PPFIA2: variants seen among roughly 807,000 people sequenced by gnomAD.
PPFIA2 encodes the protein liprin-alpha-2.
Under a neutral mutation model 175.5 loss-of-function variants are expected in PPFIA2, and 46 were observed. The ratio of observed to expected loss-of-function variants is 0.26; its 90% CI spans 0.21 to 0.34. The LOEUF (loss-of-function observed/expected upper bound fraction) is 0.34. Among genes scored for constraint, PPFIA2 ranks in the 10% least tolerant of loss-of-function variants. The pLI is 1.00. For synonymous variants in PPFIA2, 568 were observed against 511.4 expected (o/e 1.11, Z -1.49); for missense variants, 1,179 against 1,506.1 (o/e 0.78, Z 3.60).
At chr12:81,466,739 T>C (rs1485741227) in intron 4 of PPFIA2, among the ~76,000 whole-genome samples, 3 of 151,850 alleles carry the variant, frequency 2.0e-5, no homozygotes, top group Non-Finnish European at 4.4e-5. Flanking sequence ...GTTGGGAACG[T>C]ATTTGGAGGC....
chr12:81,513,438 G>A (rs2062030360), intron 4 of PPFIA2, among the ~76,000 whole-genome samples: 2 of 151,944 alleles, frequency 1.3e-5, no homozygotes, highest in African/African-American at 4.8e-5. Flanking sequence ...ATACGAAAAA[G>A]AAACATGCAC....
chr12:81,533,060 G>A (rs577352724), intron 4 of PPFIA2, among the ~76,000 whole-genome samples: 50 of 151,748 alleles, frequency 3.3e-4, no homozygotes, highest in Non-Finnish European at 6.3e-4. Flanking sequence ...TTGGTGAGGG[G>A]CACTTAACTT....
chr12:81,426,893 T>A (rs892613375), intron 7 of PPFIA2, among the ~76,000 whole-genome samples: 3 of 152,134 alleles, frequency 2.0e-5, no homozygotes, highest in Non-Finnish European at 4.4e-5. Flanking sequence ...ATTACTATTA[T>A]ACTGAAGTCT....
At chr12:81,405,719 T>C in intron 8 of PPFIA2, 68 bp downstream of exon 8, 1 of 941,712 alleles carries the variant, frequency 1.1e-6, no homozygotes, top group Non-Finnish European at 1.6e-6. Context: ...TATGTGGTTT[T>C]TATATTTCCT....
At chr12:81,293,663 G>A (rs1304809216) in intron 24 of PPFIA2, among the ~76,000 whole-genome samples, 1 of 151,826 alleles carries the variant, frequency 6.6e-6, no homozygotes, top group Non-Finnish European at 1.5e-5. Context: ...AGGGCACAGA[G>A]AAAAGGGAAC....
rs570599579 is a variant in PPFIA2, at chr12:81,663,452, T to G, written c.303+13339A>C. Among the ~76,000 whole-genome samples the G allele has an allele frequency of 2.0e-3, 304 of 152,116 alleles. 1 individual carries two copies. Among genetic ancestry groups the G allele is most frequent in the South Asian group, 6.2e-3 (30 of 4,818 alleles). On this transcript the variant is annotated intron_variant, in intron 4 of 32. Coordinates refer to ENST00000549396, the MANE Select transcript of PPFIA2 (RefSeq NM_003625.5). ...CTCCCATTCACAATTGCTTCAAAGA[T>G]AATAAAATACCTAGGAATCCAACTT... is the stretch of plus-strand genomic sequence containing the variant.
At chr12:81,356,829 T>C (rs1160727438) in intron 16 of PPFIA2, among the ~76,000 whole-genome samples, 1 of 152,108 alleles carries the variant, frequency 6.6e-6, no homozygotes, top group Non-Finnish European at 1.5e-5. Context: ...ATAATGCTTG[T>C]GAAATACAAT....
chr12:81,523,401 T>C (rs551656566), intron 4 of PPFIA2, among the ~76,000 whole-genome samples: 1 of 152,236 alleles, frequency 6.6e-6, no homozygotes, highest in South Asian at 2.1e-4. Context: ...TTCCAAAACG[T>C]ATCTTCCTAA....
In PPFIA2 at chr12:81,758,222, G is replaced by A. The variant is rs142565434; in HGVS notation, c.-3+178C>T. On this transcript the variant is annotated intron_variant, in intron 2 of 32. Transcript: ENST00000549396. Reference sequence around the variant, plus strand: ...ATCCTGCCCAACAGGACACAGCCAAGTAGGCAGGAGGTAGAGAGATAGGAG... The same window carrying A: ...ATCCTGCCCAACAGGACACAGCCAAATAGGCAGGAGGTAGAGAGATAGGAG... Among the ~76,000 whole-genome samples, 69 of 152,162 alleles carry A rather than the reference G, an allele frequency of 4.5e-4. No individual in the cohort carries two copies. In the East Asian group the frequency reaches 7.8e-3, roughly 17 times the overall value.
chr12:81,382,285 A>T (rs2037897868), intron 9 of PPFIA2, among the ~76,000 whole-genome samples: 1 of 152,128 alleles, frequency 6.6e-6, no homozygotes, highest in South Asian at 2.1e-4. Context: ...AGAGGTCAGG[A>T]AGGTGGTAGT....
intron 4 of PPFIA2, among the ~76,000 whole-genome samples, chr12:81,583,960 A>T (rs933753360): frequency 2.6e-5 from 4 of 151,892 alleles, no homozygotes; most frequent in African/African-American, 9.7e-5. Flanking sequence ...ATTCCTCAAG[A>T]CTTTTTAAAG....
At chr12:81,478,378 A>AT (rs1369066352) in intron 4 of PPFIA2, among the ~76,000 whole-genome samples, 2 of 151,816 alleles carry the variant, frequency 1.3e-5, no homozygotes, top group African/African-American at 2.4e-5. Context: ...GGATTCATTG[A>AT]TTTTTTTGAA....
intron 3 of PPFIA2, among the ~76,000 whole-genome samples, chr12:81,727,103 T>C (rs1203116534): frequency 2.0e-5 from 3 of 151,318 alleles, no homozygotes; most frequent in African/African-American, 2.4e-5. Flanking sequence ...CAAAAGCTAA[T>C]TGATGCAGCC....
chr12:81,299,229 C>T lies in PPFIA2; in HGVS notation c.2724+72G>A, dbSNP rs766401580. ...GGATGCTGTGATTTCAGAAACTTGC[C>T]GTTACCTGTCTCAAAAAAATTATCA... On this transcript the variant is annotated intron_variant, in intron 23 of 32. Coordinates refer to ENST00000549396, the MANE Select transcript of PPFIA2 (RefSeq NM_003625.5). The T allele has an allele frequency of 6.8e-6, 10 of 1,477,978 alleles. No individual in the cohort carries two copies. In the South Asian group the frequency reaches 6.8e-5, roughly 10 times the overall value. 91.6% of individuals were successfully genotyped at this position (1,477,978 alleles called of 1,614,324 possible).
chr12:81,741,162 C>CA (rs1357980137), intron 3 of PPFIA2, among the ~76,000 whole-genome samples: 1 of 152,138 alleles, frequency 6.6e-6, no homozygotes, highest in Non-Finnish European at 1.5e-5. Flanking sequence ...GTAACATATT[C>CA]AAAATGTCAC....
intron 4 of PPFIA2, among the ~76,000 whole-genome samples, chr12:81,470,485 C>G: frequency 6.6e-6 from 1 of 152,194 alleles, no homozygotes; most frequent in East Asian, 1.9e-4. Context: ...TAATATGGTG[C>G]AGCCACTTTG....
intron 7 of PPFIA2, among the ~76,000 whole-genome samples, chr12:81,423,463 T>A (rs908604569): frequency 6.6e-6 from 1 of 152,088 alleles, no homozygotes; most frequent in Admixed American, 6.6e-5. Context: ...AATCAATCAA[T>A]ATGATACAAC....
intron 24 of PPFIA2, among the ~76,000 whole-genome samples, chr12:81,289,749 T>G (rs1026400695): frequency 3.3e-5 from 5 of 151,842 alleles, no homozygotes; most frequent in Admixed American, 1.3e-4. Context: ...ACAAAAATAG[T>G]TTTAGGTGCT....
intron 4 of PPFIA2, among the ~76,000 whole-genome samples, chr12:81,568,186 T>C (rs2071729120): frequency 1.3e-5 from 2 of 152,214 alleles, no homozygotes; most frequent in Admixed American, 6.5e-5. Flanking sequence ...AAACAGTTTC[T>C]TGAGATAAAG....
Sources: gnomAD v4.1 joint callset for allele counts (sites outside exome capture counted in the v4.1 genomes callset) on GRCh38, gnomAD v4.1.1 for gene constraint, MANE v1.5 for transcripts, NCBI Gene and HGNC (gene_info 2026-07-23, HGNC 2026-07-21) for gene names.